MNAT1: variants seen among roughly 807,000 people sequenced by gnomAD.
MNAT1 encodes CDK-activating kinase assembly factor MAT1.
In MNAT1, 43 loss-of-function variants were observed where a neutral mutation model predicts 42.0. That is an observed-to-expected ratio of 1.02 (90% CI 0.80 to 1.32). The LOEUF (loss-of-function observed/expected upper bound fraction) is 1.32. Ranked by LOEUF, MNAT1 falls within the 40% of genes most tolerant of loss-of-function variation. The probability of loss-of-function intolerance (pLI) is 0.00; values close to 1 mark genes in which losing one functional copy is unlikely to be tolerated. For synonymous variants in MNAT1, 118 were observed against 120.0 expected (o/e 0.98, Z 0.11); for missense variants, 306 against 350.4 (o/e 0.87, Z 1.01).
intron 1 of MNAT1, among the ~76,000 whole-genome samples, chr14:60,739,117 G>A (rs1347206688): frequency 6.6e-6 from 1 of 152,102 alleles, no homozygotes; most frequent in South Asian, 2.1e-4. Flanking sequence ...CTTCCATAGG[G>A]CTACTTATGA....
chr14:60,784,097 C>A (rs1007888267), intron 1 of MNAT1, among the ~76,000 whole-genome samples: 1 of 151,772 alleles, frequency 6.6e-6, no homozygotes, highest in African/African-American at 2.4e-5. Context: ...ACCTCCGCCT[C>A]CGCCTCCTGG....
At chr14:60,881,164 T>C (rs2034543183) in intron 7 of MNAT1, among the ~76,000 whole-genome samples, 1 of 152,290 alleles carries the variant, frequency 6.6e-6, no homozygotes, top group South Asian at 2.1e-4. Flanking sequence ...GTAGCTTTCT[T>C]CTGTTCCTAG....
chr14:60,780,749 GT>G lies in MNAT1; in HGVS notation c.90-15461del, dbSNP rs1386896137. On this transcript the variant is annotated intron_variant, in intron 1 of 7. Transcript: ENST00000261245. Reference sequence around the variant, plus strand: ...TGAACTGTGTGTAATTGTTCCTTTTGTTTTTTTGGTACCTATTTGACTCACC... The same window carrying G: ...TGAACTGTGTGTAATTGTTCCTTTTGTTTTTTGGTACCTATTTGACTCACC... Among the ~76,000 whole-genome samples, 14 of 151,848 alleles carry G rather than the reference GT, an allele frequency of 9.2e-5. No homozygotes were observed. In the East Asian group the frequency reaches 2.3e-3, roughly 25 times the overall value.
rs184353219 is a variant in MNAT1 at position 60,838,605 on chromosome 14, G to A, written c.687+19758G>A. The stretch of plus-strand genomic sequence containing the variant: ...CACCAGCTGCAGTGGGGAAGGTATG[G>A]CTGGCGCTGCCCTGTACATGGAGCC... On this transcript the variant is annotated intron_variant, in intron 6 of 7. Transcript: ENST00000261245. Among the ~76,000 whole-genome samples the A allele has an allele frequency of 5.8e-4, 89 of 152,328 alleles. No individual in the cohort carries two copies. In the East Asian group the frequency reaches 6.2e-3, roughly 11 times the overall value.
chr14:60,754,640 C>T (rs547978243), intron 1 of MNAT1, among the ~76,000 whole-genome samples: 14 of 152,004 alleles, frequency 9.2e-5, no homozygotes, highest in Non-Finnish European at 1.9e-4. Flanking sequence ...TGAGCCACCG[C>T]GCCTGGCAAT....
chr14:60,919,845 T>C (rs1278104335), intron 7 of MNAT1: 2 of 159,314 alleles, frequency 1.3e-5, no homozygotes, highest in African/African-American at 2.4e-5. Flanking sequence ...AGGATGCCCT[T>C]GTTCCTGTCC....
intron 6 of MNAT1, among the ~76,000 whole-genome samples, chr14:60,851,551 C>A (rs4151261): frequency 1.3e-5 from 2 of 152,064 alleles, no homozygotes; most frequent in African/African-American, 4.8e-5. Context: ...TTTTATTTTA[C>A]TTTAAGTTCC....
At chr14:60,900,741 G>A (rs558139143) in intron 7 of MNAT1, among the ~76,000 whole-genome samples, 1 of 152,184 alleles carries the variant, frequency 6.6e-6, no homozygotes, top group East Asian at 1.9e-4. Flanking sequence ...GCCACTTATG[G>A]TAGCTCACAC....
chr14:60,907,303 C>A (rs1374696543), intron 7 of MNAT1, among the ~76,000 whole-genome samples: 3 of 151,670 alleles, frequency 2.0e-5, no homozygotes, highest in Admixed American at 2.0e-4. Flanking sequence ...TGTGGTGGCA[C>A]GCGCCTGTAG....
chr14:60,753,297 G>A (rs543227911), intron 1 of MNAT1, among the ~76,000 whole-genome samples: 3 of 152,228 alleles, frequency 2.0e-5, no homozygotes, highest in Admixed American at 6.5e-5. Flanking sequence ...AACAACATGA[G>A]TTTGAAGTGT....
intron 1 of MNAT1, among the ~76,000 whole-genome samples, chr14:60,762,621 G>A (rs551380002): frequency 6.8e-4 from 95 of 140,442 alleles, no homozygotes; most frequent in African/African-American, 2.2e-3. Context: ...CAGGAGAATC[G>A]CTTGAACTTG....
chr14:60,845,917 C>G (rs1369130728), intron 6 of MNAT1, among the ~76,000 whole-genome samples: 2 of 152,014 alleles, frequency 1.3e-5, no homozygotes, highest in African/African-American at 4.8e-5. Context: ...TTCCCTTGTC[C>G]TCTGCTTTCT....
At chr14:60,767,818 G>T (rs2030894073) in intron 1 of MNAT1, among the ~76,000 whole-genome samples, 3 of 151,994 alleles carry the variant, frequency 2.0e-5, no homozygotes, top group African/African-American at 7.3e-5. Flanking sequence ...AGGCTGGAGA[G>T]TAGTGGCACA....
Position 60,784,179 on chromosome 14 carries a change from A to ATTTTTTTTT in MNAT1, c.90-12022_90-12014dup, listed in dbSNP as rs71114155. Among the ~76,000 whole-genome samples, 403 of 53,282 alleles carry ATTTTTTTTT rather than the reference A, an allele frequency of 7.6e-3. 65 individuals carry two copies. Among genetic ancestry groups the ATTTTTTTTT allele is most frequent in the Non-Finnish European group, 9.8e-3 (302 of 30,912 alleles). 35.0% of individuals were successfully genotyped at this position (53,282 alleles called of 152,430 possible). A position where few individuals can be genotyped will look rare whatever the true frequency, so the allele number is the denominator to read the frequency against. On this transcript the variant is annotated intron_variant, in intron 1 of 7. Coordinates refer to ENST00000261245, the MANE Select transcript of MNAT1 (RefSeq NM_002431.4). ...AGATACGTGCCACCATGCCTGGCTA[A>ATTTTTTTTT]TTTTTTTTTTTTTTTTTTTTTTTTA...
chr14:60,741,446 G>A (rs1336911309), intron 1 of MNAT1, among the ~76,000 whole-genome samples: 3 of 151,872 alleles, frequency 2.0e-5, no homozygotes, highest in African/African-American at 4.8e-5. Context: ...GGCAAGCTCC[G>A]CCTCCCAGGT....
chr14:60,959,970 G>A, intron 7 of MNAT1, among the ~76,000 whole-genome samples: 1 of 118,454 alleles, frequency 8.4e-6, no homozygotes, highest in East Asian at 2.6e-4. Flanking sequence ...CAGTCGTATT[G>A]ATGCATGTAC....
intron 6 of MNAT1, among the ~76,000 whole-genome samples, chr14:60,837,507 G>T (rs531447620): frequency 6.6e-6 from 1 of 152,290 alleles, no homozygotes; most frequent in South Asian, 2.1e-4. Context: ...CCTGGGTGAG[G>T]CGATGCCCCA....
intron 7 of MNAT1, among the ~76,000 whole-genome samples, chr14:60,905,807 T>A (rs974864630): frequency 6.6e-6 from 1 of 152,210 alleles, no homozygotes; most frequent in African/African-American, 2.4e-5. Context: ...ATGACATCCA[T>A]CCACATTGGT....
At chr14:60,953,031 TGAG>T (rs2036413077) in intron 7 of MNAT1, among the ~76,000 whole-genome samples, 2 of 151,926 alleles carry the variant, frequency 1.3e-5, no homozygotes, top group Admixed American at 6.6e-5. Flanking sequence ...AGGAAAATGT[TGAG>T]GAGGATGAGG....
Sources: gnomAD v4.1 joint callset for allele counts (sites outside exome capture counted in the v4.1 genomes callset) on GRCh38, gnomAD v4.1.1 for gene constraint, MANE v1.5 for transcripts, NCBI Gene and HGNC (gene_info 2026-07-23, HGNC 2026-07-21) for gene names.